The following FBXO22 variants were observed in gnomAD, a reference collection of about 807,000 sequenced individuals.
FBXO22 encodes the protein F-box only protein 22.
In FBXO22, 13 loss-of-function variants were observed where a neutral mutation model predicts 37.2. That is an observed-to-expected ratio of 0.35 (90% confidence interval 0.23 to 0.56). The LOEUF is 0.56. Among genes scored for constraint, FBXO22 ranks in the 20% least tolerant of loss-of-function variants. FBXO22 has a pLI of 0.87. For missense variants in FBXO22, 446 were observed against 509.9 expected, an observed-to-expected ratio of 0.87 and a Z score of 1.21; for synonymous variants, 189 against 189.1, an observed-to-expected ratio of 1.00 and a Z score of 0.00.
At chr15:75,929,406 G>A (rs747493804) in intron 5 of FBXO22, among the ~76,000 whole-genome samples, 3 of 152,230 alleles carry the variant, frequency 2.0e-5, no homozygotes, top group Admixed American at 1.3e-4. Context: ...GGCATGGGCA[G>A]GGGGCACTGT....
rs1339494846 is a variant in FBXO22, at chr15:75,941,356, G to C, written c.*8254G>C. ...AATATAGTGGTATGCAGCTGCTGTA[G>C]AAAACAGTATGGTGATTTTCCAATT... On this transcript the variant is annotated 3_prime_UTR_variant, in exon 7 of 7. Coordinates refer to ENST00000308275, the MANE Select transcript of FBXO22 (RefSeq NM_147188.3). 1.3e-5 allele frequency: 2 copies of C among 152,136 alleles called. No homozygotes were observed. The highest frequency in any genetic ancestry group is 6.5e-5 in the Admixed American group (1 of 15,288). 9.4% of individuals were successfully genotyped at this position (152,136 alleles called of 1,614,324 possible). A position where few individuals can be genotyped will look rare whatever the true frequency, so the allele number is the denominator to read the frequency against.
intron 5 of FBXO22, among the ~76,000 whole-genome samples, chr15:75,922,977 G>T (rs1403711127): frequency 6.6e-6 from 1 of 152,172 alleles, no homozygotes; most frequent in East Asian, 1.9e-4. Context: ...CCCCATTAGA[G>T]ATGCTTGTTT....
rs56659379 is a variant in FBXO22, at chr15:75,937,646, TG to T, written c.*4546del. 34,885 of 152,154 alleles carry T rather than the reference TG, an allele frequency of 0.23. 4,825 individuals are homozygous for T. The highest frequency in any genetic ancestry group is 0.31 in the Non-Finnish European group (20,950 of 68,022). 9.4% of individuals were successfully genotyped at this position (152,154 alleles called of 1,614,324 possible). A position where few individuals can be genotyped will look rare whatever the true frequency, so the allele number is the denominator to read the frequency against. On this transcript the variant is annotated 3_prime_UTR_variant, in exon 7 of 7. Coordinates refer to ENST00000308275, the MANE Select transcript of FBXO22 (RefSeq NM_147188.3). Reference sequence around the variant, plus strand: ...GTAGGAAAATATTGTGACTTTTTAGTGGCTCTTGCCCGAGCCTCTCCCTACA... The same window carrying T: ...GTAGGAAAATATTGTGACTTTTTAGTGCTCTTGCCCGAGCCTCTCCCTACA...
intron 1 of FBXO22, 73 bp downstream of exon 1, chr15:75,904,176 G>T: frequency 1.4e-6 from 2 of 1,467,110 alleles, no homozygotes; most frequent in South Asian, 2.7e-5. Flanking sequence ...TGGCGGGGTG[G>T]GGGGAGAGAC....
Position 75,940,268 on chromosome 15 carries a change from CAG to C in FBXO22, c.*7168_*7169del, listed in dbSNP as rs2030807864. The stretch of plus-strand genomic sequence containing the variant: ...ATAGCGTCAAAAAGAATAAAATGCA[CAG>C]AAATTAGCTTACCCAAGGTGGTAAA... On this transcript the variant is annotated 3_prime_UTR_variant, in exon 7 of 7. Transcript: ENST00000308275. 1 of 152,014 alleles carries C rather than the reference CAG, an allele frequency of 6.6e-6. No individual in the cohort carries two copies. Among genetic ancestry groups the C allele is most frequent in the South Asian group, 2.1e-4 (1 of 4,826 alleles). 9.4% of individuals were successfully genotyped at this position (152,014 alleles called of 1,614,324 possible). A position where few individuals can be genotyped will look rare whatever the true frequency, so the allele number is the denominator to read the frequency against.
intron 4 of FBXO22, among the ~76,000 whole-genome samples, chr15:75,915,029 G>A (rs1205685313): frequency 5.9e-5 from 9 of 152,288 alleles, no homozygotes; most frequent in South Asian, 4.1e-4. Context: ...GTGCAATGGC[G>A]TGATCTCTAC....
chr15:75,942,069 C>T lies in FBXO22; in HGVS notation c.*8967C>T, dbSNP rs1247392281. 3 of 145,536 alleles carry T rather than the reference C, an allele frequency of 2.1e-5. No individual in the cohort carries two copies. The highest frequency in any genetic ancestry group is 4.5e-5 in the Non-Finnish European group (3 of 67,242). The allele number at this position is 145,536 out of a possible 1,614,324, so 9.0% of individuals were successfully genotyped here. ...ATATTGCTAAGTGAAAGAAGTTAGTCTGAAAGGCTACATACTACATGATTT... is the reference window on the plus strand; with the variant it reads ...ATATTGCTAAGTGAAAGAAGTTAGTTTGAAAGGCTACATACTACATGATTT... On this transcript the variant is annotated 3_prime_UTR_variant, in exon 7 of 7. Coordinates refer to ENST00000308275, the MANE Select transcript of FBXO22 (RefSeq NM_147188.3).
chr15:75,910,073 A>G (rs1460438829), intron 2 of FBXO22, among the ~76,000 whole-genome samples: 1 of 152,148 alleles, frequency 6.6e-6, no homozygotes, highest in Non-Finnish European at 1.5e-5. Context: ...AGCTTCATCC[A>G]TGTCCCTGCA....
intron 2 of FBXO22, among the ~76,000 whole-genome samples, chr15:75,904,862 G>T (rs1349415524): frequency 7.3e-6 from 1 of 137,612 alleles, no homozygotes; most frequent in Non-Finnish European, 1.5e-5. Flanking sequence ...CTCGCTCTGT[G>T]GCCCAGGCTG....
At chr15:75,931,678 A>G (rs979758916) in intron 6 of FBXO22, among the ~76,000 whole-genome samples, 4 of 152,190 alleles carry the variant, frequency 2.6e-5, no homozygotes, top group African/African-American at 9.7e-5. Flanking sequence ...ATACTTGTTT[A>G]TCCCCTAGTG....
chr15:75,904,294 G>T, intron 1 of FBXO22, 191 bp downstream of exon 1: 1 of 1,088,532 alleles, frequency 9.2e-7, no homozygotes, highest in Non-Finnish European at 1.3e-6. Context: ...TTCCCTGAGG[G>T]GCGAAGTTCC....
chr15:75,923,646 T>A (rs551151324), intron 5 of FBXO22, among the ~76,000 whole-genome samples: 15 of 152,230 alleles, frequency 9.9e-5, no homozygotes, highest in Non-Finnish European at 1.5e-5. Context: ...GTGATCATTT[T>A]GGAGTACAAG....
chr15:75,930,268 C>T, intron 6 of FBXO22: 1 of 1,415,388 alleles, frequency 7.1e-7, no homozygotes, highest in South Asian at 1.6e-5. Flanking sequence ...CAAGAACTTC[C>T]TTGAGTCACA....
intron 5 of FBXO22, among the ~76,000 whole-genome samples, chr15:75,925,675 TAAA>T (rs371276673): frequency 2.2e-5 from 3 of 137,462 alleles, no homozygotes; most frequent in Non-Finnish European, 3.1e-5. Context: ...AAGCTAGTGT[TAAA>T]AAAAAAAAAA....
intron 2 of FBXO22, among the ~76,000 whole-genome samples, chr15:75,906,031 C>T (rs1306236455): frequency 6.6e-6 from 1 of 152,112 alleles, no homozygotes; most frequent in African/African-American, 2.4e-5. Context: ...CTCTCGGAGT[C>T]TTATTTAATT....
intron 5 of FBXO22, among the ~76,000 whole-genome samples, chr15:75,926,654 C>T (rs113692448): frequency 4.6e-5 from 7 of 152,162 alleles, no homozygotes; most frequent in Admixed American, 1.3e-4. Context: ...AGGGCGTATC[C>T]GGGAAAAACA....
rs1899876516 is a variant in FBXO22, at chr15:75,904,530, G to A, written c.180G>A (p.Leu60=). 1 of 1,614,014 alleles carries A rather than the reference G, an allele frequency of 6.2e-7. No homozygotes were observed. ...RLWRECVRRV[L]RTHRSVTWIS... ...GGAGGGAGTGTGTGCGCAGAGTATT[G>A]CGGACCCATCGGAGCGTAACCTGGA... Residue 60 remains leucine (L), a synonymous_variant, in exon 2 of 7, where the codon TTG becomes TTA. Transcript: ENST00000308275.
intron 5 of FBXO22, among the ~76,000 whole-genome samples, chr15:75,919,349 A>G (rs555655485): frequency 6.6e-6 from 1 of 152,352 alleles, no homozygotes; most frequent in Admixed American, 6.5e-5. Flanking sequence ...CTGTGAGATA[A>G]TGCATATGTG....
chr15:75,915,657 T>G (rs902141386), intron 4 of FBXO22, among the ~76,000 whole-genome samples: 4 of 151,960 alleles, frequency 2.6e-5, no homozygotes, highest in Admixed American at 2.6e-4. Context: ...GTCCCAGCAC[T>G]TTGGGAGGCC....
Sources: allele counts gnomAD v4.1 joint callset (sites outside exome capture counted in the v4.1 genomes callset), GRCh38; gene constraint gnomAD v4.1.1; transcripts MANE v1.5; gene names NCBI Gene and HGNC (gene_info 2026-07-23, HGNC 2026-07-21).